The following LRRC4C variants were observed in gnomAD, a reference collection of about 807,000 sequenced individuals.
LRRC4C encodes leucine-rich repeat-containing protein 4C.
LRRC4C carries 5 observed loss-of-function variants against 33.6 expected under a neutral mutation model. The observed-to-expected ratio is 0.15, with a 90% CI of 0.08 to 0.31. The LOEUF is 0.31. Among genes scored for constraint, LRRC4C ranks in the 10% least tolerant of loss-of-function variants. The pLI is 1.00. For synonymous variants in LRRC4C, 329 were observed against 302.0 expected, an observed-to-expected ratio of 1.09 and a Z score of -0.93; for missense variants, 560 against 796.7, an observed-to-expected ratio of 0.70 and a Z score of 3.58.
chr11:40,959,970 A>C (rs1367327237), intron 1 of LRRC4C, among the ~76,000 whole-genome samples: 4 of 151,756 alleles, frequency 2.6e-5, no homozygotes. Flanking sequence ...AGATGATAGT[A>C]ATTCTACTTT....
chr11:40,127,081 A>T (rs1206254839), intron 6 of LRRC4C, among the ~76,000 whole-genome samples: 1 of 152,114 alleles, frequency 6.6e-6, no homozygotes, highest in African/African-American at 2.4e-5. Context: ...GATCGAGACC[A>T]TCCTGGTGAA....
At chr11:40,424,084 A>T (rs1257124896) in intron 3 of LRRC4C, among the ~76,000 whole-genome samples, 2 of 152,216 alleles carry the variant, frequency 1.3e-5, no homozygotes, top group African/African-American at 4.8e-5. Context: ...GGCTTCACAA[A>T]GCAGGAAGGT....
At chr11:40,254,560 C>A (rs1401723806) in intron 4 of LRRC4C, among the ~76,000 whole-genome samples, 1 of 152,116 alleles carries the variant, frequency 6.6e-6, no homozygotes, top group East Asian at 1.9e-4. Context: ...TCAACTCCTC[C>A]TTTTTAAAAA....
chr11:40,526,395 T>C (rs1956051132), intron 3 of LRRC4C, among the ~76,000 whole-genome samples: 1 of 151,948 alleles, frequency 6.6e-6, no homozygotes, highest in African/African-American at 2.4e-5. Context: ...ATTGCCAAAA[T>C]CACCATAGAT....
chr11:41,316,279 A>AAAAAAAAAAAAAAAAAAAAAAATGAG (rs1555145089), intron 1 of LRRC4C, among the ~76,000 whole-genome samples: 1 of 147,084 alleles, frequency 6.8e-6, no homozygotes, highest in African/African-American at 2.5e-5. Flanking sequence ...AAAAAAAAAA[A>AAAAAAAAAAAAAAAAAAAAAAATGAG]CAAAAAAAAA....
chr11:40,609,866 C>T (rs186572358), intron 3 of LRRC4C, among the ~76,000 whole-genome samples: 84 of 151,904 alleles, frequency 5.5e-4, no homozygotes, highest in Non-Finnish European at 3.1e-4. Flanking sequence ...AAAATCTTAA[C>T]GGAAGGACGA....
intron 1 of LRRC4C, among the ~76,000 whole-genome samples, chr11:40,950,306 G>A (rs1227602750): frequency 1.3e-5 from 2 of 151,996 alleles, no homozygotes; most frequent in Admixed American, 1.3e-4. Flanking sequence ...CTGGCAACAT[G>A]AAGGAAAAAT....
chr11:40,621,686 A>G (rs1962467339), intron 3 of LRRC4C, among the ~76,000 whole-genome samples: 1 of 151,714 alleles, frequency 6.6e-6, no homozygotes, highest in African/African-American at 2.4e-5. Flanking sequence ...ACTCTTTTTT[A>G]CTATCCTCCA....
At chr11:40,645,221 T>G (rs1942375670) in intron 3 of LRRC4C, among the ~76,000 whole-genome samples, 1 of 152,184 alleles carries the variant, frequency 6.6e-6, no homozygotes, top group South Asian at 2.1e-4. Flanking sequence ...CAAGCAAATT[T>G]TAATTAAGTC....
intron 3 of LRRC4C, among the ~76,000 whole-genome samples, chr11:40,364,720 A>G (rs1330450697): frequency 6.6e-6 from 1 of 152,066 alleles, no homozygotes; most frequent in East Asian, 1.9e-4. Context: ...CAATAAACCC[A>G]GAGAAATATG....
chr11:40,348,832 A>G (rs1434996528), intron 3 of LRRC4C, among the ~76,000 whole-genome samples: 2 of 152,364 alleles, frequency 1.3e-5, no homozygotes, highest in East Asian at 3.9e-4. Context: ...GAGATAAAAC[A>G]GAGAAAGAAC....
chr11:40,987,140 C>A (rs1853074770), intron 1 of LRRC4C, among the ~76,000 whole-genome samples: 1 of 152,166 alleles, frequency 6.6e-6, no homozygotes, highest in Non-Finnish European at 1.5e-5. Flanking sequence ...GTATTCCTCC[C>A]TCCAGGTCAT....
At chr11:40,423,968 A>C (rs2137774078) in intron 3 of LRRC4C, among the ~76,000 whole-genome samples, 1 of 152,262 alleles carries the variant, frequency 6.6e-6, no homozygotes, top group South Asian at 2.1e-4. Flanking sequence ...ATATCAGTAA[A>C]ATTTATAAAA....
chr11:41,016,408 T>A lies in LRRC4C; in HGVS notation c.-495-82685A>T, dbSNP rs986977414. Among the ~76,000 whole-genome samples, 38 of 152,208 alleles carry A rather than the reference T, an allele frequency of 2.5e-4. 1 individual carries two copies. The highest frequency in any genetic ancestry group is 8.9e-4 in the African/African-American group (37 of 41,452). On this transcript the variant is annotated intron_variant, in intron 1 of 6. Coordinates refer to ENST00000528697, the MANE Select transcript of LRRC4C (RefSeq NM_001258419.2). ...CATTTCTAAAGTAATATATCTTATA[T>A]ACTGTGTAACTAATAAGGAAGAGTA...
intron 2 of LRRC4C, among the ~76,000 whole-genome samples, chr11:40,756,515 A>T (rs764062859): frequency 1.3e-5 from 2 of 152,034 alleles, no homozygotes; most frequent in Non-Finnish European, 2.9e-5. Flanking sequence ...CCTATATCCA[A>T]GTACACTGCC....
At chr11:40,339,098 C>T (rs954480245) in intron 3 of LRRC4C, among the ~76,000 whole-genome samples, 11 of 152,258 alleles carry the variant, frequency 7.2e-5, no homozygotes, top group East Asian at 1.9e-4. Flanking sequence ...GGTAGTGTTT[C>T]GGCACACTGG....
At chr11:40,182,285 T>A (rs1285597366) in intron 5 of LRRC4C, among the ~76,000 whole-genome samples, 1 of 152,084 alleles carries the variant, frequency 6.6e-6, no homozygotes, top group Non-Finnish European at 1.5e-5. Context: ...CTTTCTCTCC[T>A]CCCCACTGCC....
At chr11:40,936,134 T>C (rs1957887464) in intron 1 of LRRC4C, among the ~76,000 whole-genome samples, 1 of 142,446 alleles carries the variant, frequency 7.0e-6, no homozygotes, top group African/African-American at 2.6e-5. Flanking sequence ...GCTGCAATGA[T>C]TTCCAGATAT....
chr11:40,739,616 T>C (rs1206575315), intron 2 of LRRC4C, among the ~76,000 whole-genome samples: 1 of 151,974 alleles, frequency 6.6e-6, no homozygotes, highest in Non-Finnish European at 1.5e-5. Flanking sequence ...AGAGACCTAG[T>C]GGGAGGTGAT....
Sources: allele counts gnomAD v4.1 joint callset (sites outside exome capture counted in the v4.1 genomes callset), GRCh38; gene constraint gnomAD v4.1.1; transcripts MANE v1.5; gene names NCBI Gene and HGNC (gene_info 2026-07-23, HGNC 2026-07-21).